SEC22C: variants seen among roughly 807,000 people sequenced by gnomAD.
SEC22C encodes vesicle-trafficking protein SEC22c.
SEC22C carries 29 observed loss-of-function variants against 34.7 expected under a neutral mutation model. The ratio of observed to expected loss-of-function variants is 0.84; its 90% CI spans 0.62 to 1.14. The LOEUF (loss-of-function observed/expected upper bound fraction) is 1.14, where lower values mean the gene tolerates loss of function less well. Among genes scored for constraint, SEC22C ranks in the 50% most tolerant of loss-of-function variants. The probability of loss-of-function intolerance (pLI) is 0.00; values close to 1 mark genes in which losing one functional copy is unlikely to be tolerated. For missense variants in SEC22C, 337 were observed against 369.0 expected, an observed-to-expected ratio of 0.91 and a Z score of 0.71; for synonymous variants, 117 against 132.8, an observed-to-expected ratio of 0.88 and a Z score of 0.82.
intron 1 of SEC22C, chr3:42,594,643 T>C (rs1704974386): frequency 1.5e-6 from 1 of 670,958 alleles, no homozygotes; most frequent in South Asian, 2.2e-5. Flanking sequence ...CCTCTGTGGC[T>C]CTTTCGAAAC....
chr3:42,553,033 G>T lies in SEC22C; in HGVS notation c.*215C>A. ...CCTAGGTAAACGTGCTGAACTGGCT[G>T]GAGATCCTGCAGTAATGCTTGGCAC... On this transcript the variant is annotated 3_prime_UTR_variant, in exon 7 of 7. Transcript: ENST00000264454. 1 of 1,399,900 alleles carries T rather than the reference G, an allele frequency of 7.1e-7. No individual in the cohort carries two copies. The highest frequency in any genetic ancestry group is 1.6e-5 in the South Asian group (1 of 63,496). 86.7% of individuals were successfully genotyped at this position (1,399,900 alleles called of 1,614,324 possible).
chr3:42,588,989 G>A (rs537915755), intron 1 of SEC22C, among the ~76,000 whole-genome samples: 55 of 152,192 alleles, frequency 3.6e-4, no homozygotes, highest in African/African-American at 1.2e-3. Context: ...AGCAGGCCGG[G>A]CACAGTAGCT....
intron 1 of SEC22C, chr3:42,590,840 G>C (rs1055607553): frequency 6.4e-7 from 1 of 1,556,062 alleles, no homozygotes. Context: ...CGAGAGCGTA[G>C]GCCCCACCTA....
intron 1 of SEC22C, among the ~76,000 whole-genome samples, chr3:42,599,287 T>TA (rs1012327813): frequency 1.5e-3 from 220 of 147,548 alleles, no homozygotes; most frequent in African/African-American, 3.8e-3. Flanking sequence ...TTTTATAGTT[T>TA]AAAAAAAAAA....
At chr3:42,563,474 C>T (rs762288872) in intron 3 of SEC22C, 49 bp downstream of exon 3, 16 of 1,519,128 alleles carry the variant, frequency 1.1e-5, no homozygotes, top group Non-Finnish European at 1.3e-5. Flanking sequence ...AAATTCTACA[C>T]ATATAACACC....
intron 1 of SEC22C, chr3:42,590,668 A>G (rs1271249345): frequency 1.5e-5 from 9 of 601,056 alleles, no homozygotes; most frequent in Admixed American, 2.9e-5. Context: ...CCAACCCACA[A>G]GTTTCGCTCT....
chr3:42,555,277 G>A (rs1010168908), intron 6 of SEC22C, among the ~76,000 whole-genome samples: 1 of 151,596 alleles, frequency 6.6e-6, no homozygotes, highest in African/African-American at 2.4e-5. Context: ...AACCCGGGAG[G>A]CAGAGCTTGC....
chr3:42,593,332 G>C lies in SEC22C; in HGVS notation c.-28+7628C>G, dbSNP rs187458350. ...CTTGGGAGGCCGAGGCAGGAGAATT[G>C]CTTGAACCCAGGAGGTGGAGGTTGC... On this transcript the variant is annotated intron_variant, in intron 1 of 6. Transcript: ENST00000417572. Among the ~76,000 whole-genome samples the C allele has an allele frequency of 3.3e-3, 496 of 152,284 alleles. 1 individual carries two copies. The highest frequency in any genetic ancestry group is 0.011 in the African/African-American group (468 of 41,550).
chr3:42,550,607 G>T lies in SEC22C; in HGVS notation c.*2641C>A. 1 of 984,986 alleles carries T rather than the reference G, an allele frequency of 1.0e-6. No homozygotes were observed. Among genetic ancestry groups the T allele is most frequent in the Non-Finnish European group, 1.2e-6 (1 of 829,884 alleles). The allele number at this position is 984,986 out of a possible 1,614,324, so 61.0% of individuals were successfully genotyped here. A position where few individuals can be genotyped will look rare whatever the true frequency, so the allele number is the denominator to read the frequency against. ...TTTTCTAGTGCATCTTTTCCCTTTT[G>T]TTTGCAAAAGTCAATCTCACCCCAT... On this transcript the variant is annotated 3_prime_UTR_variant, in exon 7 of 7. Coordinates refer to ENST00000264454, the MANE Select transcript of SEC22C (RefSeq NM_032970.4).
At position 42,599,022 on chromosome 3, in the gene SEC22C, G is replaced by C. The variant is rs138069697; in HGVS notation, c.-28+1938C>G. On this transcript the variant is annotated intron_variant, in intron 1 of 6. Coordinates refer to the SEC22C transcript ENST00000417572. The stretch of plus-strand genomic sequence containing the variant: ...GCTCTGTCACCCAGGCTGGAATGCA[G>C]TGGACCGATCTCGGCTCACTGCAAG... Among the ~76,000 whole-genome samples the C allele has an allele frequency of 9.9e-4, 148 of 148,946 alleles. 2 individuals carry two copies. The highest frequency in any genetic ancestry group is 3.5e-3 in the African/African-American group (141 of 40,452).
At position 42,549,398 on chromosome 3, in the gene SEC22C, GCA is replaced by G. The variant is rs1238196766; in HGVS notation, c.*3848_*3849del. On this transcript the variant is annotated 3_prime_UTR_variant, in exon 7 of 7. Coordinates refer to ENST00000264454, the MANE Select transcript of SEC22C (RefSeq NM_032970.4). ...CAAATAGCAGCCCTGGCTACAAGGT[GCA>G]GTGTGCAACCCCCATATGCCAAGGG... The G allele has an allele frequency of 2.0e-6, 2 of 985,522 alleles. No homozygotes were observed. Among genetic ancestry groups the G allele is most frequent in the African/African-American group, 1.7e-5 (1 of 57,250 alleles). The allele number at this position is 985,522 out of a possible 1,614,324, so 61.0% of individuals were successfully genotyped here. A position where few individuals can be genotyped will look rare whatever the true frequency, so the allele number is the denominator to read the frequency against.
Position 42,567,757 on chromosome 3 carries a change from C to T in SEC22C, c.182+1108G>A, listed in dbSNP as rs1304111367. On this transcript the variant is annotated intron_variant, in intron 2 of 6. Coordinates refer to ENST00000264454, the MANE Select transcript of SEC22C (RefSeq NM_032970.4). ...CTACTCTCACTTATTTTTCACTCCCCTGCTCCTGTCACATAATAAAAATTT... is the reference window on the plus strand; with the variant it reads ...CTACTCTCACTTATTTTTCACTCCCTTGCTCCTGTCACATAATAAAAATTT... Among the ~76,000 whole-genome samples, 6 of 152,164 alleles carry T rather than the reference C, an allele frequency of 3.9e-5. No individual in the cohort carries two copies. In the East Asian group the frequency reaches 1.2e-3, roughly 29 times the overall value.
intron 1 of SEC22C, among the ~76,000 whole-genome samples, chr3:42,599,453 G>A (rs1166590363): frequency 3.3e-5 from 5 of 150,722 alleles, no homozygotes; most frequent in South Asian, 2.1e-4. Context: ...AGCACTTTGG[G>A]AGGCCGAGGC....
chr3:42,548,697 G>A lies in SEC22C; in HGVS notation c.*4551C>T. 6.2e-7 allele frequency: 1 copy of A among 1,613,650 alleles called. No homozygotes were observed. Among genetic ancestry groups the A allele is most frequent in the Non-Finnish European group, 8.5e-7 (1 of 1,179,714 alleles). On this transcript the variant is annotated 3_prime_UTR_variant, in exon 7 of 7. Transcript: ENST00000264454. ...ACATCAATGGTACCATGCGCTCTGTGCCCAGGGAGTGAAAGGCAGGTCCAG... is the reference window on the plus strand; with the variant it reads ...ACATCAATGGTACCATGCGCTCTGTACCCAGGGAGTGAAAGGCAGGTCCAG...
At chr3:42,598,264 T>A (rs2125744381) in intron 1 of SEC22C, among the ~76,000 whole-genome samples, 1 of 151,708 alleles carries the variant, frequency 6.6e-6, no homozygotes, top group Middle Eastern at 3.4e-3. Context: ...AATTCTGACA[T>A]GCTACAACAT....
intron 1 of SEC22C, chr3:42,594,539 T>G (rs1254332984): frequency 3.1e-6 from 5 of 1,592,008 alleles, no homozygotes; most frequent in Non-Finnish European, 4.3e-6. Flanking sequence ...TAATCTTCCA[T>G]TTGGCTGTCG....
exon 1 of SEC22C, chr3:42,600,999 C>T (rs748343325): frequency 8.3e-6 from 13 of 1,562,262 alleles, no homozygotes; most frequent in Non-Finnish European, 1.0e-5. Flanking sequence ...GCCGCCACCT[C>T]GGTCGCGATG....
chr3:42,563,680 A>C lies in SEC22C; in HGVS notation c.189T>G (p.Ser63=), dbSNP rs766903259. ...CCATGCAGGCCACGTCCCCGAAAGA[A>C]GAAAAACTGAAACAAAAGGGCAATA... is the stretch of plus-strand genomic sequence containing the variant. ...AEGCDFSIHF[S]SFGDVACMAI... The change falls in exon 3 of 7, where the codon TCT becomes TCG. Residue 63 remains serine, a synonymous_variant. Coordinates refer to ENST00000264454, the MANE Select transcript of SEC22C (RefSeq NM_032970.4). 3 of 1,613,846 alleles carry C rather than the reference A, an allele frequency of 1.9e-6. No individual in the cohort carries two copies. The Admixed American group carries it at 5.0e-5, about 27-fold the overall frequency.
chr3:42,559,135 T>C (rs752624980), intron 4 of SEC22C, among the ~76,000 whole-genome samples: 5 of 152,220 alleles, frequency 3.3e-5, no homozygotes, highest in Non-Finnish European at 5.9e-5. Context: ...TTAAATGGTG[T>C]CCCTCCCATT....
Sources: gnomAD v4.1 joint callset for allele counts (sites outside exome capture counted in the v4.1 genomes callset) on GRCh38, gnomAD v4.1.1 for gene constraint, MANE v1.5 for transcripts, NCBI Gene and HGNC (gene_info 2026-07-23, HGNC 2026-07-21) for gene names.